PIR: variants seen among roughly 807,000 people sequenced by gnomAD.
PIR encodes the protein pirin, also known as pirin (iron-binding nuclear protein).
In PIR, 22 loss-of-function variants were observed where a neutral mutation model predicts 24.2. That is an observed-to-expected ratio of 0.91 (90% confidence interval 0.65 to 1.30). The LOEUF (loss-of-function observed/expected upper bound fraction) is 1.30, where lower values mean the gene tolerates loss of function less well. Ranked by LOEUF, PIR falls within the 50% of genes most tolerant of loss-of-function variation. The probability of loss-of-function intolerance (pLI) is 0.00; values close to 1 mark genes in which losing one functional copy is unlikely to be tolerated. For synonymous variants in PIR, 80 were observed against 79.6 expected, an observed-to-expected ratio of 1.00 and a Z score of -0.03; for missense variants, 220 against 220.3, an observed-to-expected ratio of 1.00 and a Z score of 0.01.
chrX:15,437,386 C>T (rs1401049208), intron 5 of PIR, among the ~76,000 whole-genome samples: 3 of 111,847 alleles, frequency 2.7e-5, no homozygotes, highest in Non-Finnish European at 3.8e-5. Flanking sequence ...GCCCTAAGAA[C>T]TTTGTTCATA....
intron 7 of PIR, among the ~76,000 whole-genome samples, chrX:15,402,472 G>A (rs1924420771): frequency 9.0e-6 from 1 of 111,509 alleles, no homozygotes; most frequent in South Asian, 3.8e-4. Flanking sequence ...TAATCACATC[G>A]TGGAGCATGG....
At chrX:15,432,726 T>C (rs1030412109) in intron 5 of PIR, among the ~76,000 whole-genome samples, 3 of 112,297 alleles carry the variant, frequency 2.7e-5, no homozygotes, top group Non-Finnish European at 3.8e-5. Context: ...CCAATTTTCA[T>C]CTTAAAGAGA....
In PIR at chrX:15,457,971, G is replaced by T. The variant is rs760748614; in HGVS notation, c.273+1686C>A. 2.7e-5 allele frequency among the ~76,000 whole-genome samples: 3 copies of T among 112,248 alleles called. No individual in the cohort carries two copies. In the South Asian group the frequency reaches 1.1e-3, roughly 42 times the overall value. On this transcript the variant is annotated intron_variant, in intron 4 of 9. Coordinates refer to ENST00000380420, the MANE Select transcript of PIR (RefSeq NM_001018109.3). ...GCCATATGGTCCCCAAAGCCCATTTGCCCTTTATAGAAAAAATTTGTTGAC... is the reference window on the plus strand; with the variant it reads ...GCCATATGGTCCCCAAAGCCCATTTTCCCTTTATAGAAAAAATTTGTTGAC...
chrX:15,430,445 A>G (rs189575990), intron 5 of PIR, among the ~76,000 whole-genome samples: 106 of 112,030 alleles, frequency 9.5e-4, no homozygotes, highest in African/African-American at 3.2e-3. Context: ...AAGTAATTCA[A>G]TTCTTCATAA....
chrX:15,466,006 G>GTTTTTT lies in PIR; in HGVS notation c.190-6272_190-6267dup, dbSNP rs200803758. On this transcript the variant is annotated intron_variant, in intron 3 of 9. Transcript: ENST00000380420. Reference sequence around the variant, plus strand: ...TTCCATTTGCTTTAAAATGGTGGCTGTTTTTTTTTTTTTTTTTTTTTTGTC... The same window carrying GTTTTTT: ...TTCCATTTGCTTTAAAATGGTGGCTGTTTTTTTTTTTTTTTTTTTTTTTTTTTTGTC... Among the ~76,000 whole-genome samples the GTTTTTT allele has an allele frequency of 1.3e-3, 80 of 63,093 alleles. 2 individuals carry two copies. The highest frequency in any genetic ancestry group is 2.0e-3 in the African/African-American group (29 of 14,422). The allele number at this position is 63,093 out of a possible 115,157, so 54.8% of individuals were successfully genotyped here. A position where few individuals can be genotyped will look rare whatever the true frequency, so the allele number is the denominator to read the frequency against.
intron 5 of PIR, among the ~76,000 whole-genome samples, chrX:15,452,439 G>T (rs779280324): frequency 4.8e-4 from 54 of 111,566 alleles, no homozygotes; most frequent in Middle Eastern, 4.6e-3. Flanking sequence ...TAAATGCTCA[G>T]ACACATACAA....
At chrX:15,461,809 A>AT (rs1569207688) in intron 3 of PIR, among the ~76,000 whole-genome samples, 1 of 112,353 alleles carries the variant, frequency 8.9e-6, no homozygotes, top group Non-Finnish European at 1.9e-5. Flanking sequence ...TAAATAAAAC[A>AT]AAAACAAAAA....
In PIR at chrX:15,384,945, C is replaced by T; in HGVS notation, c.*59G>A. The stretch of plus-strand genomic sequence containing the variant: ...TTTAGAAATGGAATGCCTTCAATGG[C>T]TCAATCTCAGAAATGGCAAAATTCT... On this transcript the variant is annotated 3_prime_UTR_variant, in exon 10 of 10. Transcript: ENST00000380420. 5.1e-6 allele frequency: 3 copies of T among 593,471 alleles called. No individual in the cohort carries two copies. Among genetic ancestry groups the T allele is most frequent in the Non-Finnish European group, 8.5e-6 (3 of 351,319 alleles). The allele number at this position is 593,471 out of a possible 1,213,427, so 48.9% of individuals were successfully genotyped here.
At chrX:15,450,617 C>T (rs903930451) in intron 5 of PIR, among the ~76,000 whole-genome samples, 4 of 110,786 alleles carry the variant, frequency 3.6e-5, no homozygotes, top group African/African-American at 1.3e-4. Context: ...GGAGGAGCTC[C>T]TTAAATGTGC....
chrX:15,481,822 C>CA (rs749811069), intron 2 of PIR, among the ~76,000 whole-genome samples: 4 of 111,765 alleles, frequency 3.6e-5, no homozygotes, highest in South Asian at 3.8e-4. Flanking sequence ...AGTTCACACA[C>CA]AAAAAAATTG....
chrX:15,385,567 G>A (rs938830392), intron 9 of PIR, among the ~76,000 whole-genome samples: 1 of 112,155 alleles, frequency 8.9e-6, no homozygotes, highest in African/African-American at 3.2e-5. Flanking sequence ...AGGATTCTAA[G>A]TCATTTTTTG....
chrX:15,467,322 T>C (rs779293792), intron 3 of PIR, among the ~76,000 whole-genome samples: 1 of 112,643 alleles, frequency 8.9e-6, no homozygotes, highest in African/African-American at 3.2e-5. Flanking sequence ...ACCCCCATGC[T>C]GCCTCACAAA....
Position 15,416,300 on chromosome X carries a change from C to A in PIR, c.566-8750G>T, listed in dbSNP as rs760093378. Among the ~76,000 whole-genome samples the A allele has an allele frequency of 9.0e-5, 10 of 111,694 alleles. No individual in the cohort carries two copies. In the East Asian group the frequency reaches 2.0e-3, roughly 22 times the overall value. On this transcript the variant is annotated intron_variant, in intron 6 of 9. Coordinates refer to ENST00000380420, the MANE Select transcript of PIR (RefSeq NM_001018109.3). ...TACTCATGAATTAAATCGGCTTTTG[C>A]GTTCTATGAAAAGACTCAAAATGTA...
chrX:15,437,588 C>T (rs746395122), intron 5 of PIR, among the ~76,000 whole-genome samples: 3 of 111,896 alleles, frequency 2.7e-5, no homozygotes, highest in South Asian at 3.7e-4. Flanking sequence ...CTCCAATTTT[C>T]GCACACCAAA....
At chrX:15,427,341 G>A (rs980410405) in intron 5 of PIR, among the ~76,000 whole-genome samples, 1 of 111,009 alleles carries the variant, frequency 9.0e-6, no homozygotes, top group African/African-American at 3.3e-5. Flanking sequence ...TACTTGATCT[G>A]TGTACTTCTC....
chrX:15,410,665 G>A (rs1924715556), intron 6 of PIR, among the ~76,000 whole-genome samples: 1 of 111,367 alleles, frequency 9.0e-6, no homozygotes, highest in South Asian at 3.8e-4. Flanking sequence ...TTAAAGGAAT[G>A]GCCTAAGTCA....
intron 3 of PIR, among the ~76,000 whole-genome samples, chrX:15,460,945 G>A (rs753263677): frequency 2.7e-5 from 3 of 111,940 alleles, no homozygotes; most frequent in South Asian, 3.8e-4. Context: ...AGTGTCAGGA[G>A]CAACTAAGAG....
chrX:15,394,318 C>G (rs750067388), intron 8 of PIR, among the ~76,000 whole-genome samples: 12 of 112,118 alleles, frequency 1.1e-4, no homozygotes, highest in Non-Finnish European at 2.1e-4. Flanking sequence ...AAAGTTTTCT[C>G]TAGTTTTAAC....
At chrX:15,392,335 C>T (rs974407215) in intron 8 of PIR, among the ~76,000 whole-genome samples, 12 of 111,698 alleles carry the variant, frequency 1.1e-4, no homozygotes, top group African/African-American at 1.9e-4. Flanking sequence ...AAAATGATTA[C>T]GCACTTTAAA....
Sources: allele counts gnomAD v4.1 joint callset (sites outside exome capture counted in the v4.1 genomes callset), GRCh38; gene constraint gnomAD v4.1.1; transcripts MANE v1.5; gene names NCBI Gene and HGNC (gene_info 2026-07-23, HGNC 2026-07-21).